The following CSMD2 variants were observed in gnomAD, a reference collection of about 807,000 sequenced individuals.
CSMD2 encodes CUB and sushi domain-containing protein 2.
In CSMD2, 130 loss-of-function variants were observed where a neutral mutation model predicts 398.5. That is an observed-to-expected ratio of 0.33 (90% CI 0.28 to 0.38). The LOEUF is 0.38. Among genes scored for constraint, CSMD2 ranks in the 10% least tolerant of loss-of-function variants. The pLI is 1.00. For synonymous variants in CSMD2, 1,828 were observed against 1,908.5 expected, an observed-to-expected ratio of 0.96 and a Z score of 1.10; for missense variants, 3,829 against 4,764.9, an observed-to-expected ratio of 0.80 and a Z score of 5.78.
chr1:33,977,609 T>C (rs1646014958), intron 3 of CSMD2, among the ~76,000 whole-genome samples: 2 of 152,032 alleles, frequency 1.3e-5, no homozygotes, highest in Admixed American at 6.5e-5. Context: ...AACCCCTCAC[T>C]GCACCTCCCC....
intron 9 of CSMD2, among the ~76,000 whole-genome samples, chr1:33,819,168 C>T (rs1415741055): frequency 6.6e-6 from 1 of 152,164 alleles, no homozygotes; most frequent in Non-Finnish European, 1.5e-5. Context: ...GCTAGGCCAG[C>T]CCAGGCTTGG....
At chr1:33,759,324 C>CTTTCTTTTT (rs1553196465) in intron 13 of CSMD2, among the ~76,000 whole-genome samples, 3 of 124,792 alleles carry the variant, frequency 2.4e-5, no homozygotes, top group South Asian at 2.6e-4. Flanking sequence ...CTTTTTTTTT[C>CTTTCTTTTT]TTTTTTTTTT....
At chr1:33,947,755 C>T (rs1570596221) in intron 3 of CSMD2, among the ~76,000 whole-genome samples, 6 of 152,358 alleles carry the variant, frequency 3.9e-5, no homozygotes, top group Admixed American at 3.9e-4. Context: ...TGTGAATCCT[C>T]ATCCTCCTCA....
intron 10 of CSMD2, among the ~76,000 whole-genome samples, chr1:33,806,847 AG>A (rs1656288592): frequency 6.6e-6 from 1 of 152,220 alleles, no homozygotes; most frequent in Admixed American, 6.5e-5. Context: ...AATGAAAGAG[AG>A]AAAGTATGAG....
chr1:34,131,406 A>G (rs747694988), intron 1 of CSMD2, among the ~76,000 whole-genome samples: 1 of 152,156 alleles, frequency 6.6e-6, no homozygotes, highest in Admixed American at 6.5e-5. Context: ...CTTGCAAGTT[A>G]CTTACACAGG....
chr1:33,625,768 A>G (rs1642082845), intron 33 of CSMD2, among the ~76,000 whole-genome samples: 1 of 152,196 alleles, frequency 6.6e-6, no homozygotes, highest in South Asian at 2.1e-4. Context: ...AAAGAGAAAC[A>G]CAGCTCATCC....
intron 22 of CSMD2, among the ~76,000 whole-genome samples, chr1:33,705,204 C>T (rs1308925184): frequency 7.2e-5 from 11 of 152,058 alleles, no homozygotes; most frequent in Admixed American, 7.2e-4. Context: ...ATTAGTAAAT[C>T]AAACTAACAT....
At chr1:33,695,127 G>C (rs1190321856) in intron 24 of CSMD2, among the ~76,000 whole-genome samples, 2 of 152,158 alleles carry the variant, frequency 1.3e-5, no homozygotes, top group East Asian at 1.9e-4. Flanking sequence ...GGATGGGAAG[G>C]AGGGCACTGC....
chr1:33,994,637 TTTAG>T (rs1331134124), intron 3 of CSMD2, among the ~76,000 whole-genome samples: 3 of 152,218 alleles, frequency 2.0e-5, no homozygotes. Flanking sequence ...AAAAAAGGAA[TTTAG>T]TTAGTTCTTA....
chr1:34,109,373 G>T (rs1028538767), intron 1 of CSMD2, among the ~76,000 whole-genome samples: 21 of 152,216 alleles, frequency 1.4e-4, no homozygotes, highest in African/African-American at 4.8e-4. Flanking sequence ...AAGCAAATTA[G>T]TGATGGGGTC....
chr1:33,962,722 C>G (rs1385331191), intron 3 of CSMD2, among the ~76,000 whole-genome samples: 1 of 152,166 alleles, frequency 6.6e-6, no homozygotes, highest in East Asian at 1.9e-4. Flanking sequence ...CTTCCTCCCC[C>G]AAATCAGCAA....
Position 33,836,245 on chromosome 1 carries a change from C to T in CSMD2, c.1034-10471G>A, listed in dbSNP as rs151023010. On this transcript the variant is annotated intron_variant, in intron 6 of 70. Coordinates refer to ENST00000373381, the MANE Select transcript of CSMD2 (RefSeq NM_001281956.2). Reference sequence around the variant, plus strand: ...GGAAGTTTTGTCTCAGAGGAGTACCCGGCTGTGTGAGGTGTCAGTCTGCCC... The same window carrying T: ...GGAAGTTTTGTCTCAGAGGAGTACCTGGCTGTGTGAGGTGTCAGTCTGCCC... 5.1e-3 allele frequency among the ~76,000 whole-genome samples: 780 copies of T among 152,288 alleles called. 13 individuals carry two copies. Among genetic ancestry groups the T allele is most frequent in the East Asian group, 0.032 (166 of 5,172 alleles).
intron 11 of CSMD2, among the ~76,000 whole-genome samples, chr1:33,789,513 G>T (rs1337009353): frequency 6.6e-6 from 1 of 152,262 alleles, no homozygotes; most frequent in Non-Finnish European, 1.5e-5. Context: ...GGGGTCCCCT[G>T]TGCAGGCTGG....
At chr1:33,790,706 CT>C (rs1425111214) in intron 11 of CSMD2, among the ~76,000 whole-genome samples, 77 of 134,728 alleles carry the variant, frequency 5.7e-4, no homozygotes, top group East Asian at 1.2e-3. Flanking sequence ...TATCTATCAT[CT>C]ATCTGTCTAT....
intron 26 of CSMD2, among the ~76,000 whole-genome samples, chr1:33,660,107 G>A (rs1392766494): frequency 2.0e-5 from 3 of 152,218 alleles, no homozygotes; most frequent in South Asian, 4.1e-4. Flanking sequence ...AGGCAATAGA[G>A]TACAATGATT....
chr1:33,671,214 C>A (rs1241005876), intron 25 of CSMD2, among the ~76,000 whole-genome samples: 1 of 152,140 alleles, frequency 6.6e-6, no homozygotes, highest in African/African-American at 2.4e-5. Flanking sequence ...AGAGCAGTTT[C>A]CTTGGTGCTG....
chr1:33,962,815 A>G (rs1225939196), intron 3 of CSMD2, among the ~76,000 whole-genome samples: 2 of 152,048 alleles, frequency 1.3e-5, no homozygotes, highest in African/African-American at 4.8e-5. Flanking sequence ...ATCCAGACCC[A>G]TCTCTCCCCA....
At chr1:33,915,281 A>G (rs562636900) in intron 5 of CSMD2, among the ~76,000 whole-genome samples, 2 of 152,328 alleles carry the variant, frequency 1.3e-5, no homozygotes, top group South Asian at 4.1e-4. Context: ...ATAAACCAGC[A>G]GCATCAAATT....
chr1:33,730,670 C>T (rs1395704376), intron 15 of CSMD2, among the ~76,000 whole-genome samples: 1 of 150,846 alleles, frequency 6.6e-6, no homozygotes, highest in Admixed American at 6.6e-5. Flanking sequence ...TTGTTGGTAG[C>T]CATTGGTATT....
Sources: allele counts gnomAD v4.1 joint callset (sites outside exome capture counted in the v4.1 genomes callset), GRCh38; gene constraint gnomAD v4.1.1; transcripts MANE v1.5; gene names NCBI Gene and HGNC (gene_info 2026-07-23, HGNC 2026-07-21).